The following NXPH1 variants were observed in gnomAD, a reference collection of about 807,000 sequenced individuals.
The protein encoded by NXPH1 is neurexophilin-1.
NXPH1 carries 5 observed loss-of-function variants against 23.7 expected under a neutral mutation model. The ratio of observed to expected loss-of-function variants is 0.21; its 90% CI spans 0.11 to 0.44. The LOEUF (loss-of-function observed/expected upper bound fraction) is 0.44. Among genes scored for constraint, NXPH1 ranks in the 20% least tolerant of loss-of-function variants. NXPH1 has a pLI of 0.99. For synonymous variants in NXPH1, 144 were observed against 122.2 expected, an observed-to-expected ratio of 1.18 and a Z score of -1.18; for missense variants, 324 against 321.6, an observed-to-expected ratio of 1.01 and a Z score of -0.06.
chr7:8,641,750 T>A (rs1820316896), intron 2 of NXPH1, among the ~76,000 whole-genome samples: 1 of 152,238 alleles, frequency 6.6e-6, no homozygotes. Flanking sequence ...CACACTATTT[T>A]GATTATGTCC....
chr7:8,448,391 T>C (rs1440494895), intron 2 of NXPH1, among the ~76,000 whole-genome samples: 1 of 152,268 alleles, frequency 6.6e-6, no homozygotes, highest in Non-Finnish European at 1.5e-5. Context: ...ACAGAAGGGC[T>C]GATTCTATCC....
At chr7:8,609,867 G>A (rs1247660834) in intron 2 of NXPH1, among the ~76,000 whole-genome samples, 3 of 152,106 alleles carry the variant, frequency 2.0e-5, no homozygotes, top group Non-Finnish European at 4.4e-5. Flanking sequence ...CAGGTAGAGG[G>A]AAAGCATTTT....
At chr7:8,738,384 C>A (rs927061546) in intron 2 of NXPH1, among the ~76,000 whole-genome samples, 2 of 152,204 alleles carry the variant, frequency 1.3e-5, no homozygotes, top group Non-Finnish European at 2.9e-5. Context: ...GGACCCTCTG[C>A]TGCAGGTCTG....
At position 8,571,891 on chromosome 7, in the gene NXPH1, A is replaced by C. The variant is rs568299197; in HGVS notation, c.54+136124A>C. On this transcript the variant is annotated intron_variant, in intron 2 of 2. Coordinates refer to ENST00000405863, the MANE Select transcript of NXPH1 (RefSeq NM_152745.3). ...TGTTGGTGGACTTGTTAAAAAAAAA[A>C]AAAAACACTTGGTTTGGAAGGATGT... is the stretch of plus-strand genomic sequence containing the variant. 3.3e-5 allele frequency among the ~76,000 whole-genome samples: 5 copies of C among 152,014 alleles called. No individual in the cohort carries two copies. The South Asian group carries it at 8.3e-4, about 25-fold the overall frequency.
At chr7:8,733,683 C>T (rs199950774) in intron 2 of NXPH1, among the ~76,000 whole-genome samples, 8 of 151,906 alleles carry the variant, frequency 5.3e-5, no homozygotes, top group East Asian at 1.9e-4. Context: ...TGTCTTCTTT[C>T]GAGAAGTGTC....
intron 2 of NXPH1, among the ~76,000 whole-genome samples, chr7:8,737,277 C>T (rs957169085): frequency 2.6e-5 from 4 of 152,004 alleles, no homozygotes; most frequent in Non-Finnish European, 5.9e-5. Flanking sequence ...ACTGGTTTTT[C>T]CTTTGTATAT....
intron 2 of NXPH1, among the ~76,000 whole-genome samples, chr7:8,730,386 A>G (rs1256293539): frequency 6.7e-6 from 1 of 149,926 alleles, no homozygotes; most frequent in African/African-American, 2.5e-5. Context: ...TGTCATTATG[A>G]TGTTAGCTGG....
At chr7:8,481,046 G>A (rs1463057361) in intron 2 of NXPH1, among the ~76,000 whole-genome samples, 2 of 152,184 alleles carry the variant, frequency 1.3e-5, no homozygotes, top group African/African-American at 4.8e-5. Context: ...GATCACACAT[G>A]TACTATATTG....
chr7:8,741,926 C>G (rs1780374643), intron 2 of NXPH1, among the ~76,000 whole-genome samples: 1 of 152,088 alleles, frequency 6.6e-6, no homozygotes, highest in African/African-American at 2.4e-5. Context: ...GAACATCTTT[C>G]AAATATTCTT....
intron 2 of NXPH1, among the ~76,000 whole-genome samples, chr7:8,538,063 G>C (rs965588755): frequency 2.6e-5 from 4 of 151,882 alleles, no homozygotes; most frequent in Admixed American, 1.3e-4. Context: ...CTAAGATCAA[G>C]TGTAATAATA....
chr7:8,712,673 T>C (rs1335570270), intron 2 of NXPH1, among the ~76,000 whole-genome samples: 2 of 152,252 alleles, frequency 1.3e-5, no homozygotes, highest in South Asian at 2.1e-4. Context: ...CATTATCTCA[T>C]TGACTTCTTA....
At chr7:8,510,748 C>G (rs1367807931) in intron 2 of NXPH1, among the ~76,000 whole-genome samples, 1 of 151,898 alleles carries the variant, frequency 6.6e-6, no homozygotes, top group African/African-American at 2.4e-5. Context: ...TATTTATAAC[C>G]ACTATCAATA....
At chr7:8,546,698 C>A (rs1176497756) in intron 2 of NXPH1, among the ~76,000 whole-genome samples, 2 of 151,424 alleles carry the variant, frequency 1.3e-5, no homozygotes, top group Non-Finnish European at 1.5e-5. Context: ...TCTGCTCATT[C>A]ATCTCCCAGT....
At chr7:8,519,600 T>G (rs914276345) in intron 2 of NXPH1, among the ~76,000 whole-genome samples, 1 of 152,192 alleles carries the variant, frequency 6.6e-6, no homozygotes, top group Non-Finnish European at 1.5e-5. Context: ...AATTGAATTG[T>G]CAGTTTTCCT....
At chr7:8,582,478 C>G (rs1224645204) in intron 2 of NXPH1, among the ~76,000 whole-genome samples, 1 of 152,114 alleles carries the variant, frequency 6.6e-6, no homozygotes, top group Non-Finnish European at 1.5e-5. Context: ...GCATGTAGCT[C>G]CTTTCTTCAA....
At chr7:8,728,953 T>C (rs1162157676) in intron 2 of NXPH1, among the ~76,000 whole-genome samples, 1 of 141,452 alleles carries the variant, frequency 7.1e-6, no homozygotes, top group Non-Finnish European at 1.5e-5. Context: ...AATTCGGCTG[T>C]GAATCCATCT....
chr7:8,703,867 G>A (rs1195451307), intron 2 of NXPH1, among the ~76,000 whole-genome samples: 6 of 151,898 alleles, frequency 4.0e-5, no homozygotes. Context: ...TTTCACCTGG[G>A]GAACTTGCAG....
chr7:8,484,492 G>A (rs891837131), intron 2 of NXPH1, among the ~76,000 whole-genome samples: 5 of 152,024 alleles, frequency 3.3e-5, no homozygotes, highest in Admixed American at 6.6e-5. Context: ...AATAAGACAA[G>A]TTATTTTAAT....
intron 2 of NXPH1, among the ~76,000 whole-genome samples, chr7:8,507,344 C>T (rs1817544170): frequency 6.6e-6 from 1 of 151,708 alleles, no homozygotes; most frequent in Admixed American, 6.6e-5. Flanking sequence ...AAAGCATTTA[C>T]ACCAGTGTTT....
Sources: gnomAD v4.1 joint callset for allele counts (sites outside exome capture counted in the v4.1 genomes callset) on GRCh38, gnomAD v4.1.1 for gene constraint, MANE v1.5 for transcripts, NCBI Gene and HGNC (gene_info 2026-07-23, HGNC 2026-07-21) for gene names.